DIAPH2: variants seen among roughly 807,000 people sequenced by gnomAD.
The protein encoded by DIAPH2 is protein diaphanous homolog 2.
A neutral mutation model predicts 92.7 loss-of-function variants in DIAPH2; 35 were observed. That is an observed-to-expected ratio of 0.38 (90% CI 0.29 to 0.50). The LOEUF is 0.50. DIAPH2 is among the 20% of genes least tolerant of loss of function. DIAPH2 has a pLI of 0.94. For missense variants in DIAPH2, 701 were observed against 819.5 expected, an observed-to-expected ratio of 0.86 and a Z score of 1.77; for synonymous variants, 301 against 280.4, an observed-to-expected ratio of 1.07 and a Z score of -0.73.
At chrX:97,344,564 G>C (rs2069139982) in intron 23 of DIAPH2, among the ~76,000 whole-genome samples, 1 of 112,178 alleles carries the variant, frequency 8.9e-6, no homozygotes, top group Non-Finnish European at 1.9e-5. Context: ...AAAAATTTCA[G>C]TGCTGACTCG....
intron 22 of DIAPH2, among the ~76,000 whole-genome samples, chrX:97,178,299 G>A (rs921323381): frequency 1.8e-5 from 2 of 110,094 alleles, no homozygotes; most frequent in Non-Finnish European, 3.8e-5. Flanking sequence ...AATAGAAAAC[G>A]GTATTAGCGT....
intron 16 of DIAPH2, 99 bp from the exon 17 acceptor site, chrX:96,964,994 A>C: frequency 2.2e-6 from 2 of 895,649 alleles, no homozygotes; most frequent in Non-Finnish European, 3.0e-6. Context: ...GGATAGAGGA[A>C]TAAAGGAACT....
chrX:97,488,885 G>T (rs753044035), intron 26 of DIAPH2, among the ~76,000 whole-genome samples: 9 of 111,724 alleles, frequency 8.1e-5, no homozygotes, highest in Non-Finnish European at 1.7e-4. Context: ...GAAGTGTGGC[G>T]AATCCAGCTA....
chrX:97,210,366 T>G (rs745994118), intron 22 of DIAPH2, among the ~76,000 whole-genome samples: 1 of 112,097 alleles, frequency 8.9e-6, no homozygotes, highest in Non-Finnish European at 1.9e-5. Context: ...ACTTCTTAAT[T>G]AGTATAGCTT....
chrX:97,047,251 G>T (rs1163427939), intron 17 of DIAPH2, among the ~76,000 whole-genome samples: 1 of 110,731 alleles, frequency 9.0e-6, no homozygotes, highest in Non-Finnish European at 1.9e-5. Flanking sequence ...TTTATAGAAC[G>T]ATGACTGAAT....
At chrX:96,764,855 G>C (rs1186951217) in intron 4 of DIAPH2, among the ~76,000 whole-genome samples, 2 of 111,250 alleles carry the variant, frequency 1.8e-5, no homozygotes, top group Admixed American at 1.9e-4. Flanking sequence ...GGCTAGGTGG[G>C]GTTAAATAAC....
chrX:97,192,093 T>C (rs142515809), intron 22 of DIAPH2, among the ~76,000 whole-genome samples: 2,051 of 110,060 alleles, frequency 0.019, 15 homozygotes, highest in Admixed American at 0.028. Flanking sequence ...AGTTTGAGAC[T>C]AGCCTGGCCA....
chrX:96,700,417 G>C (rs1244410846), intron 1 of DIAPH2, among the ~76,000 whole-genome samples: 2 of 112,107 alleles, frequency 1.8e-5, no homozygotes, highest in African/African-American at 6.5e-5. Context: ...ACTGTTATCT[G>C]TTCTTCTCCA....
At chrX:97,313,892 G>A (rs967333222) in intron 23 of DIAPH2, among the ~76,000 whole-genome samples, 2 of 109,723 alleles carry the variant, frequency 1.8e-5, no homozygotes, top group Admixed American at 9.9e-5. Flanking sequence ...CACCCGCCTC[G>A]GCTTCCCAAA....
At chrX:97,099,085 T>C (rs960288211) in intron 19 of DIAPH2, among the ~76,000 whole-genome samples, 3 of 112,315 alleles carry the variant, frequency 2.7e-5, no homozygotes, top group African/African-American at 9.7e-5. Flanking sequence ...TTTAGTATTA[T>C]TGTACCTAAG....
chrX:97,524,770 G>A (rs2071013759), intron 26 of DIAPH2, among the ~76,000 whole-genome samples: 1 of 111,842 alleles, frequency 8.9e-6, no homozygotes, highest in South Asian at 3.7e-4. Context: ...TACATTAAAT[G>A]CTTTTGTTCA....
At chrX:96,876,050 C>G (rs942864802) in intron 4 of DIAPH2, among the ~76,000 whole-genome samples, 1 of 111,545 alleles carries the variant, frequency 9.0e-6, no homozygotes, top group Non-Finnish European at 1.9e-5. Context: ...CTACAAAGAA[C>G]TCAAACAAAT....
chrX:97,078,921 G>A (rs1265031696), intron 19 of DIAPH2, among the ~76,000 whole-genome samples: 1 of 110,475 alleles, frequency 9.1e-6, no homozygotes, highest in East Asian at 2.8e-4. Context: ...TATTTTTCTG[G>A]TATAGATAAG....
chrX:97,387,606 C>T (rs1432566368), intron 25 of DIAPH2, among the ~76,000 whole-genome samples: 3 of 111,922 alleles, frequency 2.7e-5, no homozygotes, highest in South Asian at 7.5e-4. Flanking sequence ...AGGTACAAAC[C>T]GCTTTACCCA....
chrX:96,717,627 T>G (rs771983476), intron 1 of DIAPH2, among the ~76,000 whole-genome samples: 4 of 104,383 alleles, frequency 3.8e-5, no homozygotes, highest in African/African-American at 1.4e-4. Flanking sequence ...GGTTTATCTT[T>G]TATCCTTTTA....
chrX:96,973,444 G>A (rs1446452270), intron 17 of DIAPH2, among the ~76,000 whole-genome samples: 2 of 111,625 alleles, frequency 1.8e-5, no homozygotes, highest in Non-Finnish European at 3.8e-5. Flanking sequence ...GCTGCAGTGA[G>A]CCGTGATCGT....
chrX:97,134,392 GCAGTTGTGAGAGGA>G (rs2067157651), intron 21 of DIAPH2, among the ~76,000 whole-genome samples: 1 of 111,896 alleles, frequency 8.9e-6, no homozygotes, highest in Non-Finnish European at 1.9e-5. Context: ...ATATGTAAAA[GCAGTTGTGAGAGGA>G]CCTAGGCAAG....
intron 4 of DIAPH2, among the ~76,000 whole-genome samples, chrX:96,791,346 G>T (rs1023124639): frequency 9.0e-6 from 1 of 111,569 alleles, no homozygotes; most frequent in Non-Finnish European, 1.9e-5. Context: ...TCATGTTTTT[G>T]CTGAGGCAAA....
intron 17 of DIAPH2, among the ~76,000 whole-genome samples, chrX:97,018,824 T>A (rs5921185): frequency 0.036 from 4,029 of 111,635 alleles, 87 homozygotes; most frequent in Middle Eastern, 0.083. Flanking sequence ...TTCTATGTGT[T>A]TTGACACATC....
Sources: allele counts gnomAD v4.1 joint callset (sites outside exome capture counted in the v4.1 genomes callset), GRCh38; gene constraint gnomAD v4.1.1; transcripts MANE v1.5; gene names NCBI Gene and HGNC (gene_info 2026-07-23, HGNC 2026-07-21).